Variants in SNTG1 observed in about 807,000 individuals in gnomAD.
SNTG1 encodes gamma-1-syntrophin.
SNTG1 carries 39 observed loss-of-function variants against 74.7 expected under a neutral mutation model. That is an observed-to-expected ratio of 0.52 (90% CI 0.40 to 0.68). The LOEUF (loss-of-function observed/expected upper bound fraction) is 0.68. SNTG1 is among the 30% of genes least tolerant of loss of function. SNTG1 has a pLI of 0.00. For missense variants in SNTG1, 685 were observed against 609.5 expected, an observed-to-expected ratio of 1.12 and a Z score of -1.30; for synonymous variants, 254 against 217.1, an observed-to-expected ratio of 1.17 and a Z score of -1.49.
At chr8:50,438,655 T>A in intron 5 of SNTG1, 56 bp downstream of exon 5, 3 of 1,436,304 alleles carry the variant, frequency 2.1e-6, no homozygotes, top group Non-Finnish European at 2.9e-6. Context: ...AGCTGAACTT[T>A]GGTGCATTTC....
At chr8:50,492,284 A>T (rs2093864015) in intron 8 of SNTG1, among the ~76,000 whole-genome samples, 1 of 152,118 alleles carries the variant, frequency 6.6e-6, no homozygotes, top group Non-Finnish European at 1.5e-5. Context: ...TGGTATTTCT[A>T]GTTCTAGATC....
chr8:49,936,193 C>T (rs191236538), intron 1 of SNTG1, among the ~76,000 whole-genome samples: 1 of 152,256 alleles, frequency 6.6e-6, no homozygotes, highest in East Asian at 1.9e-4. Context: ...CATAAGGACC[C>T]TTAACAGAGT....
rs71550218 is a variant in SNTG1, at chr8:50,221,512, T to TACACAC, written c.-28+48911_-28+48916dup. On this transcript the variant is annotated intron_variant, in intron 2 of 18. Coordinates refer to ENST00000642720, the MANE Select transcript of SNTG1 (RefSeq NM_018967.5). ...TCTGCTACCCCTCCCAACACACACA[T>TACACAC]ACACACACACACACACACACACACA... 3.3e-3 allele frequency among the ~76,000 whole-genome samples: 426 copies of TACACAC among 130,200 alleles called. 2 individuals carry two copies. Among genetic ancestry groups the TACACAC allele is most frequent in the Middle Eastern group, 7.2e-3 (2 of 276 alleles). 85.4% of individuals were successfully genotyped at this position (130,200 alleles called of 152,430 possible). A position where few individuals can be genotyped will look rare whatever the true frequency, so the allele number is the denominator to read the frequency against.
intron 5 of SNTG1, among the ~76,000 whole-genome samples, chr8:50,442,680 TAAA>T (rs5891365): frequency 0.64 from 51,606 of 80,738 alleles, 16,859 homozygotes; most frequent in Non-Finnish European, 0.76. Flanking sequence ...TGTCTATCAG[TAAA>T]AAAAAAAAAA....
intron 2 of SNTG1, among the ~76,000 whole-genome samples, chr8:50,272,726 A>C (rs1393159089): frequency 1.3e-5 from 2 of 152,072 alleles, no homozygotes; most frequent in Admixed American, 1.3e-4. Context: ...TATATCATAC[A>C]ACTTGTAATT....
rs1339392741 is a variant in SNTG1, at chr8:50,028,135, A to G, written c.-103+115904A>G. On this transcript the variant is annotated intron_variant, in intron 1 of 18. Coordinates refer to ENST00000642720, the MANE Select transcript of SNTG1 (RefSeq NM_018967.5). The stretch of plus-strand genomic sequence containing the variant: ...TATACACAGTCACACCCACCCACAT[A>G]CCCTAGCAACCACTAATGTGTTCTC... 3.3e-5 allele frequency among the ~76,000 whole-genome samples: 5 copies of G among 151,994 alleles called. No individual in the cohort carries two copies. The South Asian group carries it at 8.3e-4, about 25-fold the overall frequency.
In SNTG1 at chr8:50,356,351, A is replaced by G. The variant is rs796529245; in HGVS notation, c.-27-37861A>G. On this transcript the variant is annotated intron_variant, in intron 2 of 18. Transcript: ENST00000642720. ...AGTATGAGTCAGGGTGCCTCACAGT[A>G]CTGTTGTGGACAGAACCAGGGATTT... Among the ~76,000 whole-genome samples the G allele has an allele frequency of 8.5e-5, 13 of 152,158 alleles. 1 individual carries two copies. The highest frequency in any genetic ancestry group is 3.1e-4 in the African/African-American group (13 of 41,510).
intron 1 of SNTG1, among the ~76,000 whole-genome samples, chr8:49,996,272 A>T (rs899218022): frequency 2.0e-5 from 3 of 152,092 alleles, no homozygotes; most frequent in Non-Finnish European, 2.9e-5. Context: ...CCAAATCACC[A>T]AATAACTTGC....
chr8:50,500,309 A>C (rs994524823), intron 8 of SNTG1, among the ~76,000 whole-genome samples: 47 of 147,990 alleles, frequency 3.2e-4, no homozygotes, highest in African/African-American at 9.9e-4. Context: ...TGTTAATTCT[A>C]CTCTCTCTCA....
rs1050800668 is a variant in SNTG1, at chr8:50,794,882, G to C, written c.*2053G>C. ...TTAAAAATTGTGAAATTTTGTAAACGTTCCATTTTAGAATTTAAAAAACCT... is the reference window on the plus strand; with the variant it reads ...TTAAAAATTGTGAAATTTTGTAAACCTTCCATTTTAGAATTTAAAAAACCT... On this transcript the variant is annotated 3_prime_UTR_variant, in exon 19 of 19. Transcript: ENST00000642720. 6.6e-6 allele frequency: 1 copy of C among 151,908 alleles called. No homozygotes were observed. The highest frequency in any genetic ancestry group is 2.4e-5 in the African/African-American group (1 of 41,404). 9.4% of individuals were successfully genotyped at this position (151,908 alleles called of 1,614,324 possible).
intron 1 of SNTG1, among the ~76,000 whole-genome samples, chr8:49,939,250 T>C (rs1344918348): frequency 6.6e-6 from 1 of 152,246 alleles, no homozygotes; most frequent in Admixed American, 6.5e-5. Context: ...TATAAATTCA[T>C]ATGTTGGCAA....
intron 2 of SNTG1, among the ~76,000 whole-genome samples, chr8:50,292,843 G>A (rs562270324): frequency 6.6e-6 from 1 of 152,228 alleles, no homozygotes; most frequent in Admixed American, 6.5e-5. Flanking sequence ...TAATGAATGA[G>A]CTCTCTCTGT....
chr8:50,610,250 T>G (rs542416362), intron 13 of SNTG1, among the ~76,000 whole-genome samples: 1 of 152,152 alleles, frequency 6.6e-6, no homozygotes, highest in Non-Finnish European at 1.5e-5. Context: ...GTTCTCTATT[T>G]TAATGGCTAG....
intron 18 of SNTG1, among the ~76,000 whole-genome samples, chr8:50,781,359 C>T (rs562863613): frequency 1.3e-5 from 2 of 152,076 alleles, no homozygotes; most frequent in Non-Finnish European, 2.9e-5. Flanking sequence ...GTAGGTCACT[C>T]AGGACTTGCT....
At chr8:49,922,132 C>T (rs548467949) in intron 1 of SNTG1, among the ~76,000 whole-genome samples, 9 of 152,138 alleles carry the variant, frequency 5.9e-5, no homozygotes, top group South Asian at 2.1e-4. Flanking sequence ...TATCTCACTG[C>T]GGCTCAATGA....
chr8:50,100,149 A>T (rs114727205), intron 1 of SNTG1, among the ~76,000 whole-genome samples: 1 of 152,134 alleles, frequency 6.6e-6, no homozygotes, highest in Non-Finnish European at 1.5e-5. Context: ...AAGTAAGTGA[A>T]ATAAGCCAGG....
chr8:50,170,155 G>T (rs2082756635), intron 1 of SNTG1, among the ~76,000 whole-genome samples: 1 of 152,102 alleles, frequency 6.6e-6, no homozygotes, highest in Non-Finnish European at 1.5e-5. Context: ...ACCAGGAGCG[G>T]ACCAGCCTCA....
At chr8:50,246,106 C>T (rs1293272073) in intron 2 of SNTG1, among the ~76,000 whole-genome samples, 2 of 150,218 alleles carry the variant, frequency 1.3e-5, no homozygotes, top group African/African-American at 2.5e-5. Flanking sequence ...AGAAGTAATA[C>T]AGACCTGATA....
intron 17 of SNTG1, among the ~76,000 whole-genome samples, chr8:50,730,938 A>G (rs2095511426): frequency 6.6e-6 from 1 of 152,208 alleles, no homozygotes; most frequent in African/African-American, 2.4e-5. Context: ...TATGAGCATT[A>G]TTATTTCACC....
Sources: allele counts gnomAD v4.1 joint callset (sites outside exome capture counted in the v4.1 genomes callset), GRCh38; gene constraint gnomAD v4.1.1; transcripts MANE v1.5; gene names NCBI Gene and HGNC (gene_info 2026-07-23, HGNC 2026-07-21).